Variants in MYO3B observed in about 807,000 individuals in gnomAD.
The protein encoded by MYO3B is myosin IIIB.
MYO3B carries 156 observed loss-of-function variants against 174.6 expected under a neutral mutation model. The observed-to-expected ratio is 0.89, with a 90% CI of 0.78 to 1.02. MYO3B has a LOEUF of 1.02. MYO3B is among the 50% of genes least tolerant of loss of function. MYO3B has a pLI of 0.00. For missense variants in MYO3B, 1,632 were observed against 1,639.4 expected, an observed-to-expected ratio of 1.00 and a Z score of 0.08; for synonymous variants, 563 against 569.1, an observed-to-expected ratio of 0.99 and a Z score of 0.15.
intron 6 of MYO3B, among the ~76,000 whole-genome samples, chr2:170,226,944 G>GT: frequency 6.6e-6 from 1 of 152,206 alleles, no homozygotes; most frequent in East Asian, 1.9e-4. Flanking sequence ...TGTTACTGCA[G>GT]GAACAGAAGT....
intron 30 of MYO3B, among the ~76,000 whole-genome samples, chr2:170,529,169 G>A (rs7585843): frequency 0.79 from 120,241 of 152,002 alleles, 48,372 homozygotes; most frequent in African/African-American, 0.93. Flanking sequence ...ACATGGACAC[G>A]AAGAGGAGAA....
At chr2:170,584,999 A>G (rs76113678) in intron 32 of MYO3B, among the ~76,000 whole-genome samples, 2,207 of 152,356 alleles carry the variant, frequency 0.014, 63 homozygotes, top group African/African-American at 0.051. Flanking sequence ...CTCATGCAGC[A>G]GTTCTCAACC....
intron 25 of MYO3B, among the ~76,000 whole-genome samples, chr2:170,470,189 T>C (rs1423925989): frequency 6.8e-6 from 1 of 147,674 alleles, no homozygotes; most frequent in Non-Finnish European, 1.5e-5. Context: ...TAAACATGAC[T>C]ACCATCTAAT....
chr2:170,551,349 A>ATTATTTATTTAT lies in MYO3B; in HGVS notation c.3733+7388_3733+7399dup, dbSNP rs57845643. Among the ~76,000 whole-genome samples the ATTATTTATTTAT allele has an allele frequency of 4.3e-3, 618 of 142,286 alleles. 5 individuals carry two copies. Among genetic ancestry groups the ATTATTTATTTAT allele is most frequent in the African/African-American group, 0.013 (495 of 38,940 alleles). 93.3% of individuals were successfully genotyped at this position (142,286 alleles called of 152,430 possible). On this transcript the variant is annotated intron_variant, in intron 32 of 34. Coordinates refer to ENST00000408978, the MANE Select transcript of MYO3B (RefSeq NM_138995.5). ...TATATATTTAATTTAATTTAATTTAATTATTTATTTATTTATTTATTTATT... is the reference window on the plus strand; with the variant it reads ...TATATATTTAATTTAATTTAATTTAATTATTTATTTATTTATTTATTTATTTATTTATTTATT...
intron 23 of MYO3B, among the ~76,000 whole-genome samples, chr2:170,450,631 T>TA (rs1195475342): frequency 1.3e-5 from 2 of 152,052 alleles, no homozygotes; most frequent in East Asian, 3.9e-4. Context: ...TAATATTACA[T>TA]AAAAATCTTT....
intron 25 of MYO3B, among the ~76,000 whole-genome samples, chr2:170,497,615 C>CT (rs1454153703): frequency 2.7e-4 from 6 of 22,518 alleles, no homozygotes; most frequent in Middle Eastern, 0.025. Context: ...GAGACTCAGT[C>CT]TCAAAAAAAA....
chr2:170,327,966 A>G (rs1574793329), intron 7 of MYO3B, among the ~76,000 whole-genome samples: 3 of 151,706 alleles, frequency 2.0e-5, no homozygotes, highest in Admixed American at 2.0e-4. Context: ...CAGTGGCTCC[A>G]TCTCGGCTCA....
intron 7 of MYO3B, among the ~76,000 whole-genome samples, chr2:170,290,165 G>T (rs1469787172): frequency 6.6e-6 from 1 of 151,894 alleles, no homozygotes; most frequent in African/African-American, 2.4e-5. Context: ...CTGATAAAAA[G>T]AATATGTATT....
At chr2:170,499,252 A>T (rs1300070253) in intron 26 of MYO3B, among the ~76,000 whole-genome samples, 1 of 152,184 alleles carries the variant, frequency 6.6e-6, no homozygotes, top group East Asian at 1.9e-4. Context: ...ATCACTGTGG[A>T]TCATCTAGGT....
At chr2:170,483,967 C>G (rs1685865265) in intron 25 of MYO3B, among the ~76,000 whole-genome samples, 1 of 152,204 alleles carries the variant, frequency 6.6e-6, no homozygotes, top group Non-Finnish European at 1.5e-5. Flanking sequence ...TTAGCCGTGA[C>G]TGGTACAGCA....
At chr2:170,585,466 C>A (rs1693443701) in intron 32 of MYO3B, among the ~76,000 whole-genome samples, 1 of 152,138 alleles carries the variant, frequency 6.6e-6, no homozygotes, top group African/African-American at 2.4e-5. Flanking sequence ...TGCTCACCTC[C>A]ACCTCCCGCC....
intron 25 of MYO3B, among the ~76,000 whole-genome samples, chr2:170,477,725 C>T (rs1184131696): frequency 6.6e-6 from 1 of 150,680 alleles, no homozygotes; most frequent in African/African-American, 2.4e-5. Context: ...CACCTCCACC[C>T]TCAGCAGTTG....
At chr2:170,190,166 T>C (rs1017794963) in intron 1 of MYO3B, among the ~76,000 whole-genome samples, 3 of 152,340 alleles carry the variant, frequency 2.0e-5, no homozygotes, top group Admixed American at 1.3e-4. Flanking sequence ...TAGAGATTCC[T>C]GTTCTCTTTC....
intron 32 of MYO3B, among the ~76,000 whole-genome samples, chr2:170,560,195 AACT>A (rs1450799199): frequency 6.6e-6 from 1 of 152,206 alleles, no homozygotes; most frequent in African/African-American, 2.4e-5. Context: ...ATTTCTAAAA[AACT>A]ACACTTGTTT....
chr2:170,341,155 G>A (rs997024215), intron 8 of MYO3B: 2 of 152,122 alleles, frequency 1.3e-5, no homozygotes, highest in Non-Finnish European at 2.9e-5. Context: ...GAACATTTGC[G>A]TTCACTGTAG....
In MYO3B at chr2:170,498,703, G is replaced by T. The variant is rs758584049; in HGVS notation, c.3126G>T (p.Lys1042Asn). 44 of 1,571,470 alleles carry T rather than the reference G, an allele frequency of 2.8e-5. 1 individual carries two copies. In the Middle Eastern group the frequency reaches 5.0e-4, roughly 18 times the overall value. The change falls in exon 26 of 35, where the codon AAG becomes AAT. Residue 1042 changes from lysine (K) to asparagine (N), a missense_variant and splice_region_variant. Lys to Asn is a moderately conservative substitution (Grantham distance 94, BLOSUM62 0). Transcript: ENST00000408978. ...ATCACTGGGTACTGGGAAAAACAAA[G>T]GTAGTTCGTTCTTTATTGTTCAAAT... ...RLDHWVLGKT[K>N]VFLKYYHVEQ...
chr2:170,451,782 A>G (rs1332860951), intron 23 of MYO3B, among the ~76,000 whole-genome samples: 1 of 152,170 alleles, frequency 6.6e-6, no homozygotes, highest in Non-Finnish European at 1.5e-5. Flanking sequence ...GAGCCCTTGG[A>G]GGAATAGGGT....
chr2:170,212,490 T>G (rs1444748437), intron 3 of MYO3B, among the ~76,000 whole-genome samples: 2 of 152,190 alleles, frequency 1.3e-5, no homozygotes, highest in Non-Finnish European at 2.9e-5. Context: ...TCACTCACCT[T>G]TCCTTAAGCC....
intron 25 of MYO3B, among the ~76,000 whole-genome samples, chr2:170,482,001 A>G (rs547593623): frequency 2.0e-5 from 3 of 152,328 alleles, no homozygotes; most frequent in Non-Finnish European, 2.9e-5. Flanking sequence ...TCCTCACCCA[A>G]GTCTCATCTT....
Sources: allele counts gnomAD v4.1 joint callset (sites outside exome capture counted in the v4.1 genomes callset), GRCh38; gene constraint gnomAD v4.1.1; transcripts MANE v1.5; gene names NCBI Gene and HGNC (gene_info 2026-07-23, HGNC 2026-07-21).